UBE2QL1: variants seen among roughly 807,000 people sequenced by gnomAD.
UBE2QL1 encodes the protein ubiquitin-conjugating enzyme E2Q-like protein 1.
Under a neutral mutation model 12.6 loss-of-function variants are expected in UBE2QL1, and 5 were observed. The observed-to-expected ratio is 0.40, with a 90% CI of 0.21 to 0.83. The LOEUF (loss-of-function observed/expected upper bound fraction) is 0.83. Ranked by LOEUF, UBE2QL1 falls within the 40% of genes least tolerant of loss-of-function variation. The pLI is 0.37. For synonymous variants in UBE2QL1, 96 were observed against 94.5 expected, an observed-to-expected ratio of 1.02 and a Z score of -0.10; for missense variants, 99 against 222.6, an observed-to-expected ratio of 0.44 and a Z score of 3.53.
intron 1 of UBE2QL1, among the ~76,000 whole-genome samples, chr5:6,484,040 A>G (rs1042803396): frequency 6.6e-6 from 1 of 152,198 alleles, no homozygotes. Context: ...TTGAGTTGGT[A>G]CTTTCCAGAA....
At chr5:6,473,614 C>A (rs774299857) in intron 1 of UBE2QL1, among the ~76,000 whole-genome samples, 19 of 152,178 alleles carry the variant, frequency 1.2e-4, no homozygotes, top group Non-Finnish European at 2.9e-5. Context: ...AATAGCTGAG[C>A]CTTTAGGATT....
chr5:6,475,092 T>C (rs1306230278), intron 1 of UBE2QL1, among the ~76,000 whole-genome samples: 2 of 152,240 alleles, frequency 1.3e-5, no homozygotes, highest in Admixed American at 6.5e-5. Flanking sequence ...AAATCACCGA[T>C]TGAATTATTT....
In UBE2QL1 at chr5:6,479,278, G is replaced by C. The variant is rs2126362258; in HGVS notation, c.355-11940G>C. Among the ~76,000 whole-genome samples, 1 of 152,192 alleles carries C rather than the reference G, an allele frequency of 6.6e-6. No individual in the cohort carries two copies. The highest frequency in any genetic ancestry group is 1.5e-5 in the Non-Finnish European group (1 of 67,996). On this transcript the variant is annotated intron_variant, in intron 1 of 1. Transcript: ENST00000399816. This position sits in a 1 kb window ranked among gnomAD's most constrained non-coding sequence, Gnocchi z 4.2. Reference sequence around the variant, plus strand: ...GTTCAGTATGTGTTCCAAGAAGAAGGAAAAACATGGAACGCTGAGGAAGAC... The same window carrying C: ...GTTCAGTATGTGTTCCAAGAAGAAGCAAAAACATGGAACGCTGAGGAAGAC...
In UBE2QL1 at chr5:6,479,753, T is replaced by G. The variant is rs1304589888; in HGVS notation, c.355-11465T>G. On this transcript the variant is annotated intron_variant, in intron 1 of 1. Coordinates refer to ENST00000399816, the MANE Select transcript of UBE2QL1 (RefSeq NM_001145161.3). The surrounding 1 kb of genome is among the most constrained non-coding windows in gnomAD (Gnocchi z 4.2). ...CAAGAAAAGCAGCTTCCTTTTGCAT[T>G]CTGGTCCTGGCCAAAATGACAAACA... 6.6e-6 allele frequency among the ~76,000 whole-genome samples: 1 copy of G among 152,162 alleles called. No homozygotes were observed. Among genetic ancestry groups the G allele is most frequent in the Non-Finnish European group, 1.5e-5 (1 of 68,032 alleles).
At chr5:6,487,574 G>T (rs1309677548) in intron 1 of UBE2QL1, among the ~76,000 whole-genome samples, 1 of 148,512 alleles carries the variant, frequency 6.7e-6, no homozygotes, top group East Asian at 1.9e-4. Flanking sequence ...TATTTTAGAA[G>T]AAATGAGAGT....
intron 1 of UBE2QL1, among the ~76,000 whole-genome samples, chr5:6,488,621 AC>A: frequency 6.6e-6 from 1 of 151,788 alleles, no homozygotes; most frequent in East Asian, 1.9e-4. Flanking sequence ...ACAAAACGAT[AC>A]CCTGTCTCTA....
intron 1 of UBE2QL1, among the ~76,000 whole-genome samples, chr5:6,450,131 C>G (rs970294853): frequency 1.3e-5 from 2 of 151,296 alleles, no homozygotes; most frequent in East Asian, 1.9e-4. Context: ...CAGAGCACCC[C>G]CTTCCTTCCC....
At chr5:6,469,162 C>A (rs1440701548) in intron 1 of UBE2QL1, among the ~76,000 whole-genome samples, 1 of 152,206 alleles carries the variant, frequency 6.6e-6, no homozygotes, top group Non-Finnish European at 1.5e-5. Flanking sequence ...GGCAGCAAAT[C>A]TGCCTGAGCT....
At chr5:6,485,217 G>T (rs1270535921) in intron 1 of UBE2QL1, among the ~76,000 whole-genome samples, 5 of 152,176 alleles carry the variant, frequency 3.3e-5, no homozygotes, top group African/African-American at 1.2e-4. Context: ...ACCTTCTCTG[G>T]ATCCTTCTGT....
At chr5:6,460,195 C>G (rs972339103) in intron 1 of UBE2QL1, among the ~76,000 whole-genome samples, 4 of 152,158 alleles carry the variant, frequency 2.6e-5, no homozygotes, top group African/African-American at 9.7e-5. Context: ...AGGCACCCAC[C>G]TCCCTGAGCA....
At position 6,449,162 on chromosome 5, in the gene UBE2QL1, A is replaced by G; in HGVS notation, c.269A>G (p.Glu90Gly). The G allele has an allele frequency of 6.5e-7, 1 of 1,533,168 alleles. No homozygotes were observed. Among genetic ancestry groups the G allele is most frequent in the South Asian group, 1.2e-5 (1 of 82,236 alleles). 95.0% of individuals were successfully genotyped at this position (1,533,168 alleles called of 1,614,324 possible). ...CTGGACGGCGGCGCCATCTGCATGG[A>G]GCTGCTCACGCCGCGCGGCTGGTCC... The part of the protein sequence containing the change: ...YVLDGGAICM[E>G]LLTPRGWSSA... Residue 90 changes from glutamate to glycine, a missense_variant, in exon 1 of 2, where the codon GAG becomes GGG. Glu to Gly is a moderately conservative substitution (Grantham distance 98). Transcript: ENST00000399816.
At chr5:6,463,511 C>T (rs1425510016) in intron 1 of UBE2QL1, among the ~76,000 whole-genome samples, 2 of 151,970 alleles carry the variant, frequency 1.3e-5, no homozygotes, top group African/African-American at 2.4e-5. Context: ...TCACCACCCC[C>T]TCCCCACATT....
chr5:6,482,517 C>G (rs1734382954), intron 1 of UBE2QL1, among the ~76,000 whole-genome samples: 1 of 151,366 alleles, frequency 6.6e-6, no homozygotes, highest in African/African-American at 2.4e-5. Flanking sequence ...ACCACCTTCC[C>G]CTGGAAGTTT....
chr5:6,467,939 C>G (rs537911718), intron 1 of UBE2QL1, among the ~76,000 whole-genome samples: 207 of 152,254 alleles, frequency 1.4e-3, no homozygotes, highest in African/African-American at 4.8e-3. Flanking sequence ...ATCTCTTACG[C>G]CTGACTTTTC....
intron 1 of UBE2QL1, among the ~76,000 whole-genome samples, chr5:6,468,402 C>T (rs995907718): frequency 4.6e-5 from 7 of 152,112 alleles, no homozygotes; most frequent in African/African-American, 9.7e-5. Context: ...AGAGGGCAAC[C>T]GGCAAAGTGA....
At chr5:6,460,395 A>G (rs1287816085) in intron 1 of UBE2QL1, among the ~76,000 whole-genome samples, 3 of 152,238 alleles carry the variant, frequency 2.0e-5, no homozygotes, top group African/African-American at 4.8e-5. Flanking sequence ...GCAGCCTCCA[A>G]TGCACACAGA....
At chr5:6,465,841 C>T (rs191622418) in intron 1 of UBE2QL1, among the ~76,000 whole-genome samples, 17 of 152,346 alleles carry the variant, frequency 1.1e-4, no homozygotes, top group Middle Eastern at 3.4e-3. Context: ...TCCGTGAGGA[C>T]GGAACCTGGA....
intron 1 of UBE2QL1, among the ~76,000 whole-genome samples, chr5:6,483,294 C>A (rs1420275915): frequency 6.6e-6 from 1 of 152,092 alleles, no homozygotes; most frequent in African/African-American, 2.4e-5. Flanking sequence ...AAAAAATTAA[C>A]AGGGCGTGGT....
rs899122367 is a variant in UBE2QL1 at position 6,481,681 on chromosome 5, C to G, written c.355-9537C>G. On this transcript the variant is annotated intron_variant, in intron 1 of 1. Coordinates refer to ENST00000399816, the MANE Select transcript of UBE2QL1 (RefSeq NM_001145161.3). This position sits in a 1 kb window ranked among gnomAD's most constrained non-coding sequence, Gnocchi z 4.5. The stretch of plus-strand genomic sequence containing the variant: ...TCGGGCCTCCCACTGATCCTTCCCC[C>G]AGCCTTGCCCACATGACCTTAGTTG... Among the ~76,000 whole-genome samples the G allele has an allele frequency of 6.6e-6, 1 of 152,220 alleles. No homozygotes were observed. Among genetic ancestry groups the G allele is most frequent in the African/African-American group, 2.4e-5 (1 of 41,458 alleles).
Sources: gnomAD v4.1 joint callset for allele counts (sites outside exome capture counted in the v4.1 genomes callset) on GRCh38, gnomAD v4.1.1 for gene constraint, Gnocchi (gnomAD v3.1) non-coding constraint, MANE v1.5 for transcripts, NCBI Gene and HGNC (gene_info 2026-07-23, HGNC 2026-07-21) for gene names.